USP9X: variants seen among roughly 807,000 people sequenced by gnomAD.
USP9X encodes ubiquitin specific peptidase 9 X-linked, also known as ubiquitin carboxyl-terminal hydrolase 9X.
A neutral mutation model predicts 190.3 loss-of-function variants in USP9X; 7 were observed. The observed-to-expected ratio is 0.04, with a 90% CI of 0.02 to 0.07. The LOEUF (loss-of-function observed/expected upper bound fraction) is 0.07, where lower values mean the gene tolerates loss of function less well. USP9X is among the 10% of genes least tolerant of loss of function. The pLI is 1.00. For missense variants in USP9X, 1,010 were observed against 1,916.9 expected (o/e 0.53, Z 8.83); for synonymous variants, 645 against 659.5 (o/e 0.98, Z 0.34).
At chrX:41,165,824 G>T (rs144612382) in intron 15 of USP9X, 48 bp from the exon 16 acceptor site, 14,894 of 1,115,319 alleles carry the variant, frequency 0.013, 94 homozygotes, top group Non-Finnish European at 0.015. Context: ...TGCCTTTCCG[G>T]ATAAAAATTA....
In USP9X at chrX:41,085,565, GC is replaced by G. The variant is rs2061902552; in HGVS notation, c.-699del. ...CCCGTCAGGGCCTCTGTCGCGCCTA[GC>G]CCCTCCCCGCCTTACACAGCTCCCG... On this transcript the variant is annotated 5_prime_UTR_variant, in exon 1 of 45. Transcript: ENST00000378308. 2 of 246,712 alleles carry G rather than the reference GC, an allele frequency of 8.1e-6. No homozygotes were observed. Among genetic ancestry groups the G allele is most frequent in the Admixed American group, 1.4e-4 (2 of 14,579 alleles). 20.3% of individuals were successfully genotyped at this position (246,712 alleles called of 1,213,427 possible). A position where few individuals can be genotyped will look rare whatever the true frequency, so the allele number is the denominator to read the frequency against.
chrX:41,140,474 C>A (rs753432292), intron 6 of USP9X, among the ~76,000 whole-genome samples, 182 bp from the exon 7 acceptor site: 2 of 111,931 alleles, frequency 1.8e-5, no homozygotes, highest in Non-Finnish European at 3.8e-5. Flanking sequence ...ATACTTACTA[C>A]GTATACTGCT....
At chrX:41,169,966 A>T (rs2062710546) in intron 18 of USP9X, 29 bp from the exon 19 acceptor site, 1 of 1,206,212 alleles carries the variant, frequency 8.3e-7, no homozygotes, top group Non-Finnish European at 1.1e-6. Context: ...GCTGAATATG[A>T]TGATGTCTGT....
At chrX:41,093,411 C>A (rs2061967677) in intron 1 of USP9X, among the ~76,000 whole-genome samples, 1 of 112,371 alleles carries the variant, frequency 8.9e-6, no homozygotes, top group South Asian at 3.7e-4. Context: ...ATGGCGCGAT[C>A]TCGGCTCACC....
At chrX:41,181,805 G>T (rs2062829901) in intron 21 of USP9X, among the ~76,000 whole-genome samples, 1 of 110,361 alleles carries the variant, frequency 9.1e-6, no homozygotes, top group African/African-American at 3.3e-5. Flanking sequence ...GCTGTGTTAC[G>T]CAGGCTGGTT....
In USP9X at chrX:41,166,225, A is replaced by C; in HGVS notation, c.2328+11A>C. ...GATTACCTTTGGAGGGTAAGTCAAAAGTAGGAACTCTGTAAATGGTGTCTG... is the reference window on the plus strand; with the variant it reads ...GATTACCTTTGGAGGGTAAGTCAAACGTAGGAACTCTGTAAATGGTGTCTG... On this transcript the variant is annotated intron_variant, in intron 16 of 44. Transcript: ENST00000378308. 1 of 1,116,686 alleles carries C rather than the reference A, an allele frequency of 9.0e-7. No individual in the cohort carries two copies. Among genetic ancestry groups the C allele is most frequent in the Admixed American group, 2.6e-5 (1 of 38,014 alleles). 92.0% of individuals were successfully genotyped at this position (1,116,686 alleles called of 1,213,427 possible).
intron 21 of USP9X, among the ~76,000 whole-genome samples, chrX:41,179,237 T>A (rs1256452680): frequency 9.5e-6 from 1 of 105,318 alleles, no homozygotes; most frequent in Non-Finnish European, 1.9e-5. Flanking sequence ...GTTTTTTGTA[T>A]TTTTTTGTTT....
At chrX:41,150,788 C>A in intron 12 of USP9X, 133 bp from the exon 13 acceptor site, 1 of 653,993 alleles carries the variant, frequency 1.5e-6, no homozygotes, top group Non-Finnish European at 2.2e-6. Context: ...AAACTCTTTA[C>A]TGTAATTACA....
intron 26 of USP9X, chrX:41,189,997 A>C (rs2062916750): frequency 1.8e-5 from 2 of 112,430 alleles, no homozygotes; most frequent in Admixed American, 1.9e-4. Context: ...TCAGATTTAT[A>C]GAAAATGTTG....
chrX:41,219,321 C>A, intron 38 of USP9X, 90 bp downstream of exon 38: 2 of 927,784 alleles, frequency 2.2e-6, no homozygotes, highest in South Asian at 5.3e-5. Context: ...ATAATCTGAT[C>A]TGAAGTAGAA....
rs767833647 is a variant in USP9X, at chrX:41,115,668, A to G, written c.-158-7803A>G. Among the ~76,000 whole-genome samples the G allele has an allele frequency of 3.6e-5, 4 of 112,484 alleles. No individual in the cohort carries two copies. In the East Asian group the frequency reaches 1.1e-3, roughly 31 times the overall value. The stretch of plus-strand genomic sequence containing the variant: ...GATATTTGATGCACTGTGTACTTCC[A>G]TATATTCTCCTATGATTAGAACAAT... On this transcript the variant is annotated intron_variant, in intron 1 of 44. Coordinates refer to ENST00000378308, the MANE Select transcript of USP9X (RefSeq NM_001039591.3).
intron 18 of USP9X, among the ~76,000 whole-genome samples, chrX:41,168,741 C>A (rs1040154748): frequency 2.7e-5 from 3 of 112,088 alleles, no homozygotes; most frequent in Non-Finnish European, 5.6e-5. Flanking sequence ...GCAAATCCTC[C>A]TGCTTTGGCC....
intron 21 of USP9X, among the ~76,000 whole-genome samples, chrX:41,173,078 C>CTT (rs1432554731): frequency 4.5e-5 from 5 of 111,568 alleles, no homozygotes; most frequent in Non-Finnish European, 9.4e-5. Flanking sequence ...TTTGAAATGT[C>CTT]TAAGTGTGAT....
chrX:41,196,514 C>G (rs778378236), intron 27 of USP9X, 78 bp from the exon 28 acceptor site: 1 of 1,124,411 alleles, frequency 8.9e-7, no homozygotes, highest in Non-Finnish European at 1.2e-6. Context: ...GTCATCTTCT[C>G]TAGTTAACTC....
intron 1 of USP9X, among the ~76,000 whole-genome samples, chrX:41,096,309 G>A (rs961672207): frequency 1.8e-5 from 2 of 112,843 alleles, no homozygotes; most frequent in Admixed American, 9.4e-5. Flanking sequence ...ACAAACATAG[G>A]TGAATAATCT....
intron 2 of USP9X, among the ~76,000 whole-genome samples, chrX:41,127,540 C>T (rs1411020709): frequency 8.9e-6 from 1 of 112,128 alleles, no homozygotes; most frequent in Non-Finnish European, 1.9e-5. Context: ...AAGCAGGCTT[C>T]CAAAGTTACA....
At chrX:41,130,623 G>C (rs1430834488) in intron 3 of USP9X, among the ~76,000 whole-genome samples, 2 of 98,693 alleles carry the variant, frequency 2.0e-5, no homozygotes, top group Non-Finnish European at 4.1e-5. Flanking sequence ...CGAGTAGCTA[G>C]GACTACAGGC....
At chrX:41,138,002 A>G (rs1263000489) in intron 6 of USP9X, among the ~76,000 whole-genome samples, 1 of 111,451 alleles carries the variant, frequency 9.0e-6, no homozygotes, top group African/African-American at 3.3e-5. Flanking sequence ...ATAGTTTTAT[A>G]TCTTTGAAAT....
chrX:41,231,800 G>A (rs1392165361), intron 44 of USP9X, among the ~76,000 whole-genome samples: 1 of 109,488 alleles, frequency 9.1e-6, no homozygotes, highest in African/African-American at 3.3e-5. Flanking sequence ...AGAAAAATGA[G>A]AGCACTGTAG....
Sources: allele counts gnomAD v4.1 joint callset (sites outside exome capture counted in the v4.1 genomes callset), GRCh38; gene constraint gnomAD v4.1.1; transcripts MANE v1.5; gene names NCBI Gene and HGNC (gene_info 2026-07-23, HGNC 2026-07-21).